FRMPD1: variants seen among roughly 807,000 people sequenced by gnomAD.
The protein encoded by FRMPD1 is FERM and PDZ domain containing 1.
In FRMPD1, 76 loss-of-function variants were observed where a neutral mutation model predicts 117.8. The ratio of observed to expected loss-of-function variants is 0.65; its 90% CI spans 0.54 to 0.78. The LOEUF is 0.78. Ranked by LOEUF, FRMPD1 falls within the 30% of genes least tolerant of loss-of-function variation. FRMPD1 has a pLI of 0.00. For synonymous variants in FRMPD1, 783 were observed against 770.4 expected, an observed-to-expected ratio of 1.02 and a Z score of -0.27; for missense variants, 1,786 against 1,964.5, an observed-to-expected ratio of 0.91 and a Z score of 1.72.
intron 1 of FRMPD1, among the ~76,000 whole-genome samples, chr9:37,653,182 T>A (rs1322106498): frequency 1.3e-5 from 2 of 152,126 alleles, no homozygotes; most frequent in South Asian, 4.1e-4. Context: ...CCTCCGAGCG[T>A]CACTTTTTTA....
At chr9:37,629,523 A>C in the FRMPD1 span, among the ~76,000 whole-genome samples, 4 of 152,332 alleles carry the variant, frequency 2.6e-5, no homozygotes, top group South Asian at 8.3e-4. Flanking sequence ...AGGCACGCCA[A>C]TTGCATGCTC....
chr9:37,604,239 T>C, the FRMPD1 span, among the ~76,000 whole-genome samples: 1 of 152,208 alleles, frequency 6.6e-6, no homozygotes, highest in East Asian at 1.9e-4. Context: ...CCTGACTAGG[T>C]AGTAGTGGCT....
At chr9:37,660,218 C>T (rs977187809) in intron 1 of FRMPD1, among the ~76,000 whole-genome samples, 3 of 152,216 alleles carry the variant, frequency 2.0e-5, no homozygotes, top group African/African-American at 7.2e-5. Flanking sequence ...GCCCCACCTG[C>T]GGCTGGAAGT....
chr9:37,732,099 A>G (rs1299367421), intron 9 of FRMPD1, among the ~76,000 whole-genome samples: 1 of 152,204 alleles, frequency 6.6e-6, no homozygotes, highest in Admixed American at 6.5e-5. Context: ...CACAGAAACC[A>G]CATAAGGTAG....
chr9:37,657,441 C>T (rs1820876215), intron 1 of FRMPD1, among the ~76,000 whole-genome samples: 2 of 152,202 alleles, frequency 1.3e-5, no homozygotes, highest in South Asian at 2.1e-4. Context: ...TTAGTAGCTG[C>T]AGTCTCTGTT....
chr9:37,653,906 A>G (rs1242687410), intron 1 of FRMPD1, among the ~76,000 whole-genome samples: 2 of 152,114 alleles, frequency 1.3e-5, no homozygotes, highest in African/African-American at 4.8e-5. Flanking sequence ...GACTGCGGTG[A>G]GCTATGATCA....
At chr9:37,736,754 C>T (rs1050597038) in intron 13 of FRMPD1, among the ~76,000 whole-genome samples, 4 of 151,834 alleles carry the variant, frequency 2.6e-5, no homozygotes, top group African/African-American at 9.7e-5. Context: ...TGGGATGGGG[C>T]AGTTTGGATA....
At chr9:37,686,097 T>C (rs1317428938) in intron 1 of FRMPD1, among the ~76,000 whole-genome samples, 1 of 152,244 alleles carries the variant, frequency 6.6e-6, no homozygotes, top group Non-Finnish European at 1.5e-5. Context: ...TGAGGGTCCA[T>C]GCCTTTTAAG....
rs200364730 is a variant in FRMPD1 at position 37,673,825 on chromosome 9, G to T, written c.-4-18813G>T. Among the ~76,000 whole-genome samples the T allele has an allele frequency of 1.8e-4, 27 of 152,360 alleles. No homozygotes were observed. In the East Asian group the frequency reaches 4.8e-3, roughly 27 times the overall value. On this transcript the variant is annotated intron_variant, in intron 1 of 15. Coordinates refer to ENST00000377765, the MANE Select transcript of FRMPD1 (RefSeq NM_014907.3). Reference sequence around the variant, plus strand: ...CTGTACATTGGCCCCTTTCAGCCATGGCTGGAGCAGCTGGGACACAGGGCA... The same window carrying T: ...CTGTACATTGGCCCCTTTCAGCCATTGCTGGAGCAGCTGGGACACAGGGCA...
rs776356565 is a variant in FRMPD1, at chr9:37,744,554, T to A, written c.2522T>A (p.Phe841Tyr). The change falls in exon 16 of 16, where the codon TTC becomes TAC. Residue 841 changes from phenylalanine (F) to tyrosine (Y), a missense_variant. Coordinates refer to ENST00000377765, the MANE Select transcript of FRMPD1 (RefSeq NM_014907.3). Reference sequence around the variant, plus strand: ...AAGACCCTGAGGAAAAGAAGGTCTTTCCTACAGACCGACTACACCTCTCAG... The same window carrying A: ...AAGACCCTGAGGAAAAGAAGGTCTTACCTACAGACCGACTACACCTCTCAG... ...YAKTLRKRRS[F>Y]LQTDYTSQVS... 6.2e-7 allele frequency: 1 copy of A among 1,614,106 alleles called. No individual in the cohort carries two copies. Among genetic ancestry groups the A allele is most frequent in the Non-Finnish European group, 8.5e-7 (1 of 1,179,992 alleles).
intron 5 of FRMPD1, chr9:37,715,667 G>A (rs780984841): frequency 8.8e-6 from 4 of 456,272 alleles, no homozygotes; most frequent in South Asian, 6.2e-5. Context: ...TAAAATATGA[G>A]ATGGCTGAAG....
At chr9:37,696,075 T>TTA (rs752862883) in intron 2 of FRMPD1, among the ~76,000 whole-genome samples, 12,333 of 119,218 alleles carry the variant, frequency 0.1, 829 homozygotes, top group East Asian at 0.19. Context: ...TTTTTTTTTT[T>TTA]AATATCTAGA....
At chr9:37,629,162 G>C in the FRMPD1 span, among the ~76,000 whole-genome samples, 2 of 152,020 alleles carry the variant, frequency 1.3e-5, no homozygotes, top group Admixed American at 6.6e-5. Context: ...TTGTGCCATT[G>C]CACTCCAGCC....
intron 1 of FRMPD1, among the ~76,000 whole-genome samples, chr9:37,654,473 C>G (rs1194151789): frequency 6.6e-6 from 1 of 152,234 alleles, no homozygotes; most frequent in Non-Finnish European, 1.5e-5. Flanking sequence ...TGCCCCTTGG[C>G]TAACTAAATA....
chr9:37,623,296 T>C, the FRMPD1 span, among the ~76,000 whole-genome samples: 15 of 152,162 alleles, frequency 9.9e-5, no homozygotes, highest in Non-Finnish European at 1.8e-4. Context: ...GAATGGGATA[T>C]GGAAGAGGAT....
chr9:37,637,786 C>G, the FRMPD1 span, among the ~76,000 whole-genome samples: 372 of 152,224 alleles, frequency 2.4e-3, 2 homozygotes, highest in African/African-American at 8.5e-3. Context: ...GGTAAAAGGA[C>G]ATGCTAGGTG....
chr9:37,669,639 C>G (rs1389296314), intron 1 of FRMPD1: 1 of 152,062 alleles, frequency 6.6e-6, no homozygotes, highest in African/African-American at 2.4e-5. Flanking sequence ...TTTTCTGCTT[C>G]TCTGCATTAC....
At chr9:37,623,184 C>T in the FRMPD1 span, among the ~76,000 whole-genome samples, 3 of 152,246 alleles carry the variant, frequency 2.0e-5, no homozygotes, top group East Asian at 3.9e-4. Flanking sequence ...TGAATTCATT[C>T]GTGGAAGCTG....
At chr9:37,690,169 T>C (rs977405002) in intron 1 of FRMPD1, among the ~76,000 whole-genome samples, 2 of 152,100 alleles carry the variant, frequency 1.3e-5, no homozygotes, top group Non-Finnish European at 1.5e-5. Context: ...TGTACACTTA[T>C]TGTCTTTTAT....
Sources: gnomAD v4.1 joint callset for allele counts (sites outside exome capture counted in the v4.1 genomes callset) on GRCh38, gnomAD v4.1.1 for gene constraint, MANE v1.5 for transcripts, NCBI Gene and HGNC (gene_info 2026-07-23, HGNC 2026-07-21) for gene names.